MRTFB: variants seen among roughly 807,000 people sequenced by gnomAD.
MRTFB encodes the protein myocardin related transcription factor B, also known as myocardin-related transcription factor B.
Under a neutral mutation model 104.2 loss-of-function variants are expected in MRTFB, and 29 were observed. That is an observed-to-expected ratio of 0.28 (90% CI 0.21 to 0.38). The LOEUF (loss-of-function observed/expected upper bound fraction) is 0.38, where lower values mean the gene tolerates loss of function less well. Among genes scored for constraint, MRTFB ranks in the 10% least tolerant of loss-of-function variants. The pLI is 1.00. For missense variants in MRTFB, 1,270 were observed against 1,341.6 expected, an observed-to-expected ratio of 0.95 and a Z score of 0.83; for synonymous variants, 535 against 519.5, an observed-to-expected ratio of 1.03 and a Z score of -0.41.
the MRTFB span, among the ~76,000 whole-genome samples, chr16:14,037,261 T>C: frequency 1.3e-5 from 2 of 152,208 alleles, no homozygotes; most frequent in African/African-American, 4.8e-5. Flanking sequence ...CGATGGTTCC[T>C]GTGAAGGACC....
chr16:14,127,900 AATATATATATAT>A (rs1194977108), intron 2 of MRTFB, among the ~76,000 whole-genome samples: 1 of 49,518 alleles, frequency 2.0e-5, no homozygotes. Context: ...AGCAAAACTG[AATATATATATAT>A]ATATATATAT....
chr16:14,184,814 C>A (rs918074065), intron 3 of MRTFB, among the ~76,000 whole-genome samples: 1 of 152,162 alleles, frequency 6.6e-6, no homozygotes, highest in Non-Finnish European at 1.5e-5. Flanking sequence ...GAAGGCAGGG[C>A]AAGGCCATAG....
rs2037949268 is a variant in MRTFB, at chr16:14,140,639, T to G, written c.33T>G (p.Asp11Glu). 3 of 1,614,188 alleles carry G rather than the reference T, an allele frequency of 1.9e-6. No homozygotes were observed. The highest frequency in any genetic ancestry group is 2.7e-5 in the African/African-American group (2 of 75,054). Reference protein sequence around the residue: MDHTGAIDTEDEVGPLAHLAP... With the variant: MDHTGAIDTEEEVGPLAHLAP... ...ACACAGGGGCGATAGACACCGAGGA[T>G]GAAGTGGGACCTTTAGCCCATCTTG... is the stretch of plus-strand genomic sequence containing the variant. The change falls in exon 3 of 17, where the codon GAT becomes GAG. Residue 11 changes from aspartate to glutamate, a missense_variant. Around this residue, in one of 3 missense-constraint regions of MRTFB, gnomAD observed 62 missense variants for 57.2 expected, o/e 1.08. Coordinates refer to ENST00000571589, the MANE Select transcript of MRTFB (RefSeq NM_001308142.2).
chr16:14,200,623 A>T, intron 3 of MRTFB: 1 of 1,582,948 alleles, frequency 6.3e-7, no homozygotes, highest in South Asian at 1.1e-5. Context: ...TGGTTGGCCT[A>T]CGTTGGTGGA....
chr16:14,204,849 A>T (rs1178389449), intron 3 of MRTFB, among the ~76,000 whole-genome samples: 1 of 152,242 alleles, frequency 6.6e-6, no homozygotes, highest in Non-Finnish European at 1.5e-5. Context: ...TATATATTAC[A>T]TTGGAATAGT....
In MRTFB at chr16:14,249,038, C is replaced by T. The variant is rs769441113; in HGVS notation, c.2360C>T (p.Thr787Met). The T allele has an allele frequency of 6.2e-6, 10 of 1,614,040 alleles. No homozygotes were observed. The highest frequency in any genetic ancestry group is 4.4e-5 in the South Asian group (4 of 91,086). ...CCAACTGTACCTCAGACACAAGACA[C>T]GTTCCCGCAGCATGTGCTCAGTCAG... ...LAPTVPQTQD[T>M]FPQHVLSQPQ... Residue 787 changes from threonine to methionine, a missense_variant, in exon 13 of 17, where the codon ACG (threonine) becomes ATG (methionine). By Grantham distance (81) the Thr-to-Met change is moderately conservative. Transcript: ENST00000571589.
the MRTFB span, among the ~76,000 whole-genome samples, chr16:14,040,709 C>A: frequency 6.6e-6 from 1 of 152,144 alleles, no homozygotes; most frequent in African/African-American, 2.4e-5. Context: ...GTGATCTACC[C>A]ACCTTGGCCT....
chr16:14,036,678 A>AAT, the MRTFB span, among the ~76,000 whole-genome samples: 3,290 of 149,550 alleles, frequency 0.022, 173 homozygotes, highest in African/African-American at 0.077. Context: ...TATATATAGA[A>AAT]ATATATATAT....
the MRTFB span, among the ~76,000 whole-genome samples, chr16:13,996,349 T>G: frequency 6.6e-6 from 1 of 151,988 alleles, no homozygotes. Context: ...CAGTGTCCAT[T>G]CATTCATTTC....
At position 14,234,261 on chromosome 16, in the gene MRTFB, A is replaced by C; in HGVS notation, c.809A>C (p.Lys270Thr). 1 of 1,614,034 alleles carries C rather than the reference A, an allele frequency of 6.2e-7. No individual in the cohort carries two copies. Among genetic ancestry groups the C allele is most frequent in the Non-Finnish European group, 8.5e-7 (1 of 1,180,004 alleles). ...CCCACAAACACTGTGTCCTCAGCAA[A>C]GCCTGGCCCAGCACTGGTGAAGGTG... is the stretch of plus-strand genomic sequence containing the variant. ...VLPTNTVSSA[K>T]PGPALVKQSH... is the part of the protein sequence containing the mutation. Residue 270 changes from lysine (K) to threonine (T), a missense_variant, in exon 9 of 17, where the codon AAG becomes ACG. Physicochemically the swap from Lys to Thr is moderately conservative, Grantham distance 78 (BLOSUM62 -1). This residue lies in a region of MRTFB where 1,144 missense variants were observed against 1,131.5 expected (regional missense o/e 1.01). Transcript: ENST00000571589.
the MRTFB span, among the ~76,000 whole-genome samples, chr16:14,016,247 T>A: frequency 6.6e-6 from 1 of 151,960 alleles, no homozygotes; most frequent in African/African-American, 2.4e-5. Context: ...AAGCTCTATT[T>A]AGAGAGCAGC....
chr16:14,063,696 C>T, the MRTFB span, among the ~76,000 whole-genome samples: 1 of 152,238 alleles, frequency 6.6e-6, no homozygotes, highest in Admixed American at 6.5e-5. Flanking sequence ...CTCAGTCCTA[C>T]CACCTCTGCC....
chr16:14,158,533 T>TGG (rs1485347815), intron 3 of MRTFB, among the ~76,000 whole-genome samples: 1 of 152,214 alleles, frequency 6.6e-6, no homozygotes, highest in Admixed American at 6.5e-5. Context: ...CTGGTTTAGA[T>TGG]GGTTATAAAT....
At chr16:14,167,936 C>A (rs1411117075) in intron 3 of MRTFB, among the ~76,000 whole-genome samples, 2 of 152,178 alleles carry the variant, frequency 1.3e-5, no homozygotes, top group Non-Finnish European at 2.9e-5. Flanking sequence ...ATCTGCCCAC[C>A]TCAGCCTTCC....
At chr16:13,998,160 G>A in the MRTFB span, among the ~76,000 whole-genome samples, 1 of 152,162 alleles carries the variant, frequency 6.6e-6, no homozygotes, top group Non-Finnish European at 1.5e-5. Flanking sequence ...ACTCAGCAAG[G>A]GGGTGAGTCG....
rs1238159927 is a variant in MRTFB at position 14,262,696 on chromosome 16, C to A, written c.*1252C>A. 6.6e-6 allele frequency: 1 copy of A among 152,354 alleles called. No homozygotes were observed. The highest frequency in any genetic ancestry group is 1.9e-4 in the East Asian group (1 of 5,194). 9.4% of individuals were successfully genotyped at this position (152,354 alleles called of 1,614,324 possible). On this transcript the variant is annotated 3_prime_UTR_variant, in exon 17 of 17. Transcript: ENST00000571589. Reference sequence around the variant, plus strand: ...GTTTTTATATAGAAAACAGTTATTACATATGTGTTAAGTCATTTCTTAAGA... The same window carrying A: ...GTTTTTATATAGAAAACAGTTATTAAATATGTGTTAAGTCATTTCTTAAGA...
At chr16:14,042,407 C>T in the MRTFB span, among the ~76,000 whole-genome samples, 6 of 152,090 alleles carry the variant, frequency 3.9e-5, no homozygotes, top group Admixed American at 1.3e-4. Flanking sequence ...TACAGGTGTG[C>T]GCCACCGCAC....
the MRTFB span, chr16:14,009,435 T>C: frequency 6.6e-6 from 1 of 152,258 alleles, no homozygotes; most frequent in Non-Finnish European, 1.5e-5. Flanking sequence ...ATCTTCTATG[T>C]ACAAGGTTAT....
chr16:14,049,306 G>A, the MRTFB span, among the ~76,000 whole-genome samples: 1 of 152,198 alleles, frequency 6.6e-6, no homozygotes, highest in African/African-American at 2.4e-5. Context: ...AAGAAATCAT[G>A]TATCACTCCC....
Sources: allele counts gnomAD v4.1 joint callset (sites outside exome capture counted in the v4.1 genomes callset), GRCh38; gene constraint gnomAD v4.1.1; regional missense constraint gnomAD v4.1.1; transcripts MANE v1.5; gene names NCBI Gene and HGNC (gene_info 2026-07-23, HGNC 2026-07-21).